CSMD2: variants seen among roughly 807,000 people sequenced by gnomAD.
The protein encoded by CSMD2 is CUB and Sushi multiple domains 2.
In CSMD2, 130 loss-of-function variants were observed where a neutral mutation model predicts 398.5. The observed-to-expected ratio is 0.33, with a 90% CI of 0.28 to 0.38. The LOEUF is 0.38. CSMD2 is among the 10% of genes least tolerant of loss of function. The probability of loss-of-function intolerance (pLI) is 1.00; values close to 1 mark genes in which losing one functional copy is unlikely to be tolerated. For synonymous variants in CSMD2, 1,828 were observed against 1,908.5 expected (o/e 0.96, Z 1.10); for missense variants, 3,829 against 4,764.9 (o/e 0.80, Z 5.78).
At chr1:33,895,749 G>A (rs930884248) in intron 5 of CSMD2, among the ~76,000 whole-genome samples, 4 of 152,186 alleles carry the variant, frequency 2.6e-5, no homozygotes, top group Admixed American at 6.5e-5. Context: ...CGGGTCCCTA[G>A]GCATGGGATG....
At chr1:33,543,436 C>G (rs1656555019) in intron 57 of CSMD2, among the ~76,000 whole-genome samples, 1 of 152,202 alleles carries the variant, frequency 6.6e-6, no homozygotes, top group Admixed American at 6.5e-5. Context: ...TCCTCTATCC[C>G]CTGTAGTTCC....
At chr1:33,703,328 T>C (rs1034594805) in intron 22 of CSMD2, among the ~76,000 whole-genome samples, 2 of 152,382 alleles carry the variant, frequency 1.3e-5, no homozygotes, top group Non-Finnish European at 2.9e-5. Flanking sequence ...TCCATATACA[T>C]GGTGTCTAGC....
At chr1:34,063,179 G>T (rs754541868) in intron 2 of CSMD2, among the ~76,000 whole-genome samples, 2 of 152,052 alleles carry the variant, frequency 1.3e-5, no homozygotes, top group Non-Finnish European at 2.9e-5. Context: ...ATTGGGGTGG[G>T]GACACAGCCA....
intron 13 of CSMD2, among the ~76,000 whole-genome samples, chr1:33,768,179 T>C (rs1650767453): frequency 6.6e-6 from 1 of 152,190 alleles, no homozygotes; most frequent in African/African-American, 2.4e-5. Flanking sequence ...ACTTTAATCA[T>C]AGCCTCACTT....
At chr1:34,092,469 G>C (rs1475150298) in intron 1 of CSMD2, among the ~76,000 whole-genome samples, 1 of 152,216 alleles carries the variant, frequency 6.6e-6, no homozygotes, top group Non-Finnish European at 1.5e-5. Flanking sequence ...CAGAAGAGGG[G>C]TGATTTCTGC....
rs574763285 is a variant in CSMD2, at chr1:33,829,950, G to A, written c.1034-4176C>T. ...TCAAACTGCAAGGCAGCAGCAAGGC[G>A]GGGGGAGGGGCGCCCGCCATTGCCC... On this transcript the variant is annotated intron_variant, in intron 6 of 70. Transcript: ENST00000373381. Among the ~76,000 whole-genome samples, 221 of 152,324 alleles carry A rather than the reference G, an allele frequency of 1.5e-3. 1 individual carries two copies. The highest frequency in any genetic ancestry group is 5.0e-3 in the African/African-American group (207 of 41,576).
At position 33,611,051 on chromosome 1, in the gene CSMD2, C is replaced by T; in HGVS notation, c.6333G>A (p.Leu2111=). 1.2e-6 allele frequency: 2 copies of T among 1,613,770 alleles called. No homozygotes were observed. The highest frequency in any genetic ancestry group is 1.7e-5 in the Admixed American group (1 of 60,016). ...GCTCCTTGTCCTTACCCTGATACTC[C>T]AGCTTGAATCCTGGCCGATTCTGGG... ...DHSQNRPGFK[L]EYQAYELQEC... is the part of the protein sequence containing the mutation. Residue 2111 remains leucine (L), a synonymous_variant, in exon 41 of 71, where the codon CTG becomes CTA. Transcript: ENST00000373381.
At chr1:33,586,959 G>C in intron 45 of CSMD2, 129 bp downstream of exon 45, 1 of 675,318 alleles carries the variant, frequency 1.5e-6, no homozygotes, top group Non-Finnish European at 2.5e-6. Context: ...TCTGGCACAG[G>C]GCCTACTGTT....
rs79837582 is a variant in CSMD2 at position 33,776,562 on chromosome 1, G to A, written c.1664-3811C>T. ...GGATTGCCATGCACCTCTGGGGCCCGCCGAGGGTGCAGATGACTCATTTGT... is the reference window on the plus strand; with the variant it reads ...GGATTGCCATGCACCTCTGGGGCCCACCGAGGGTGCAGATGACTCATTTGT... On this transcript the variant is annotated intron_variant, in intron 12 of 70. Transcript: ENST00000373381. Among the ~76,000 whole-genome samples the A allele has an allele frequency of 6.0e-3, 908 of 152,256 alleles. 8 individuals carry two copies. Among genetic ancestry groups the A allele is most frequent in the Non-Finnish European group, 0.011 (741 of 68,000 alleles).
intron 53 of CSMD2, among the ~76,000 whole-genome samples, chr1:33,566,308 A>G: frequency 3.7e-4 from 1 of 2,708 alleles, no homozygotes; most frequent in Admixed American, 9.8e-3. Context: ...AGGAACCTCA[A>G]AAAAAAAAAA....
At chr1:33,563,106 C>T (rs1297187193) in intron 53 of CSMD2, among the ~76,000 whole-genome samples, 1 of 152,198 alleles carries the variant, frequency 6.6e-6, no homozygotes, top group African/African-American at 2.4e-5. Context: ...CTTTTGAGCA[C>T]ATTTCAGGAC....
intron 5 of CSMD2, among the ~76,000 whole-genome samples, chr1:33,898,474 G>A (rs964677320): frequency 8.5e-5 from 13 of 152,140 alleles, no homozygotes; most frequent in African/African-American, 3.1e-4. Flanking sequence ...TTGCCTAATT[G>A]GATCTTTAAT....
At position 33,956,371 on chromosome 1, in the gene CSMD2, A is replaced by G. The variant is rs554733981; in HGVS notation, c.518-20417T>C. 1.1e-4 allele frequency among the ~76,000 whole-genome samples: 17 copies of G among 152,094 alleles called. No homozygotes were observed. In the East Asian group the frequency reaches 2.9e-3, roughly 26 times the overall value. On this transcript the variant is annotated intron_variant, in intron 3 of 70. Transcript: ENST00000373381. ...AACCACCAGTCTACTTTCTGTCTCTATGAGTTTGACTAGTCCAAGCACTGC... is the reference window on the plus strand; with the variant it reads ...AACCACCAGTCTACTTTCTGTCTCTGTGAGTTTGACTAGTCCAAGCACTGC...
intron 3 of CSMD2, among the ~76,000 whole-genome samples, chr1:33,970,970 T>G (rs1645740943): frequency 6.6e-6 from 1 of 152,172 alleles, no homozygotes; most frequent in African/African-American, 2.4e-5. Context: ...AACAATCAGG[T>G]TGCTGGGAGG....
chr1:33,858,373 T>C (rs550739921), intron 5 of CSMD2, among the ~76,000 whole-genome samples: 1 of 152,282 alleles, frequency 6.6e-6, no homozygotes, highest in Admixed American at 6.5e-5. Flanking sequence ...CCTTGTTCCT[T>C]CCCAGTTGCT....
chr1:33,656,985 T>C (rs1643966374), intron 27 of CSMD2, among the ~76,000 whole-genome samples: 1 of 152,114 alleles, frequency 6.6e-6, no homozygotes, highest in Non-Finnish European at 1.5e-5. Context: ...CATGTGGAAG[T>C]GGGCACCTGG....
At chr1:33,884,978 C>T (rs1371479861) in intron 5 of CSMD2, 2 of 152,162 alleles carry the variant, frequency 1.3e-5, no homozygotes, top group Non-Finnish European at 2.9e-5. Context: ...ACAGGAGAGA[C>T]ATGGAAAGAA....
chr1:33,692,728 A>G (rs1645281996), intron 25 of CSMD2, among the ~76,000 whole-genome samples: 1 of 152,186 alleles, frequency 6.6e-6, no homozygotes, highest in South Asian at 2.1e-4. Context: ...AGTGAGGTGT[A>G]TGGACTTGGC....
intron 16 of CSMD2, among the ~76,000 whole-genome samples, 193 bp downstream of exon 16, chr1:33,726,354 A>G (rs949135541): frequency 2.6e-5 from 4 of 152,204 alleles, no homozygotes; most frequent in African/African-American, 9.6e-5. Context: ...ATAGTCCCCT[A>G]AACAGCACAA....
Sources: allele counts gnomAD v4.1 joint callset (sites outside exome capture counted in the v4.1 genomes callset), GRCh38; gene constraint gnomAD v4.1.1; transcripts MANE v1.5; gene names NCBI Gene and HGNC (gene_info 2026-07-23, HGNC 2026-07-21).